C7: variants seen among roughly 807,000 people sequenced by gnomAD.
The protein encoded by C7 is complement component C7.
A neutral mutation model predicts 104.8 loss-of-function variants in C7; 83 were observed. The observed-to-expected ratio is 0.79, with a 90% CI of 0.66 to 0.95. The LOEUF (loss-of-function observed/expected upper bound fraction) is 0.95. Among genes scored for constraint, C7 ranks in the 40% least tolerant of loss-of-function variants. The pLI, the probability that C7 is intolerant of heterozygous loss-of-function variation, is 0.00. For synonymous variants in C7, 415 were observed against 360.6 expected (o/e 1.15, Z -1.71); for missense variants, 1,070 against 1,011.2 (o/e 1.06, Z -0.79).
At chr5:40,957,735 C>G (rs192441969) in intron 10 of C7, among the ~76,000 whole-genome samples, 1 of 150,116 alleles carries the variant, frequency 6.7e-6, no homozygotes, top group Non-Finnish European at 1.5e-5. Flanking sequence ...GCGTTACAGG[C>G]GTGAGTCATC....
intron 8 of C7, 142 bp downstream of exon 8, chr5:40,947,987 G>A (rs777889292): frequency 1.2e-5 from 11 of 892,356 alleles, no homozygotes; most frequent in South Asian, 1.1e-4. Flanking sequence ...TTGCAAGAAT[G>A]TATTATTGTC....
chr5:40,972,331 C>A, intron 14 of C7, 72 bp from the exon 15 acceptor site: 1 of 1,257,230 alleles, frequency 8.0e-7, no homozygotes, highest in Non-Finnish European at 1.1e-6. Context: ...GTGTCTGCAT[C>A]ACATAAGACT....
chr5:40,981,000 AGCAAG>A (rs1740929932), intron 17 of C7, among the ~76,000 whole-genome samples: 1 of 152,310 alleles, frequency 6.6e-6, no homozygotes, highest in South Asian at 2.1e-4. Context: ...TCTCTCTCAA[AGCAAG>A]TTAAGTTCTC....
chr5:40,978,140 GAAA>G (rs869311131), intron 16 of C7, among the ~76,000 whole-genome samples: 11 of 107,642 alleles, frequency 1.0e-4, no homozygotes, highest in African/African-American at 3.3e-4. Context: ...ATCTCAAAAA[GAAA>G]AAAAAAAAAA....
chr5:40,958,095 G>A lies in C7; in HGVS notation c.1323G>A (p.Leu441=). ...VPCASVKKLY[L]KWALEEYLDE... is the part of the protein sequence containing the mutation. Reference sequence around the variant, plus strand: ...GTGCCTCTGTGAAAAAACTATACCTGAAATGGGCTCTTGAAGAGTATCTGG... The same window carrying A: ...GTGCCTCTGTGAAAAAACTATACCTAAAATGGGCTCTTGAAGAGTATCTGG... Residue 441 remains leucine (L), a synonymous_variant, in exon 11 of 18, where the codon CTG becomes CTA. Coordinates refer to ENST00000313164, the MANE Select transcript of C7 (RefSeq NM_000587.4). The A allele has an allele frequency of 6.2e-7, 1 of 1,613,814 alleles. No homozygotes were observed. Among genetic ancestry groups the A allele is most frequent in the Middle Eastern group, 1.6e-4 (1 of 6,062 alleles).
rs1185187097 is a variant in C7, at chr5:40,981,585, C to T, written c.*12C>T. 33 of 1,594,940 alleles carry T rather than the reference C, an allele frequency of 2.1e-5. No individual in the cohort carries two copies. The highest frequency in any genetic ancestry group is 2.7e-5 in the Non-Finnish European group (31 of 1,167,034). On this transcript the variant is annotated 3_prime_UTR_variant, in exon 18 of 18. Coordinates refer to ENST00000313164, the MANE Select transcript of C7 (RefSeq NM_000587.4). ...CGGAAACCCAGTAGGCTCCTGGAGG[C>T]CCTGGTCAGCTTGCTTGGAATCCAG...
In C7 at chr5:40,967,679, C is replaced by T. The variant is rs191716668; in HGVS notation, c.1882+2806C>T. On this transcript the variant is annotated intron_variant, in intron 14 of 17. Coordinates refer to ENST00000313164, the MANE Select transcript of C7 (RefSeq NM_000587.4). ...ACCAAGCATTTCCGAACATAGTGAT[C>T]AGTTTTACCCTCTTGTCATCTTCTA... is the stretch of plus-strand genomic sequence containing the variant. The T allele has an allele frequency of 1.6e-4, 30 of 191,886 alleles. 1 individual carries two copies. In the East Asian group the frequency reaches 3.8e-3, roughly 24 times the overall value. The allele number at this position is 191,886 out of a possible 1,614,324, so 11.9% of individuals were successfully genotyped here. A position where few individuals can be genotyped will look rare whatever the true frequency, so the allele number is the denominator to read the frequency against.
intron 1 of C7, among the ~76,000 whole-genome samples, chr5:40,916,070 T>A (rs1254303504): frequency 6.6e-6 from 1 of 152,180 alleles, no homozygotes; most frequent in Non-Finnish European, 1.5e-5. Flanking sequence ...ATCTTCTCCA[T>A]CACCTTCAGC....
intron 1 of C7, among the ~76,000 whole-genome samples, chr5:40,912,970 G>A (rs1452718463): frequency 6.6e-6 from 1 of 151,946 alleles, no homozygotes; most frequent in Non-Finnish European, 1.5e-5. Flanking sequence ...CAACTCTTCT[G>A]AGTCTCCAAT....
At chr5:40,960,064 A>T (rs1501815) in intron 12 of C7, among the ~76,000 whole-genome samples, 30,114 of 152,204 alleles carry the variant, frequency 0.2, 3,630 homozygotes, top group South Asian at 0.37. Context: ...CAGATACACC[A>T]TTCTTACTCA....
chr5:40,950,268 C>A (rs1434195530), intron 9 of C7, among the ~76,000 whole-genome samples: 2 of 152,100 alleles, frequency 1.3e-5, no homozygotes, highest in South Asian at 2.1e-4. Flanking sequence ...ATATTCTCAT[C>A]ATTTAGCTCC....
Position 40,967,027 on chromosome 5 carries a change from C to T in C7, c.1882+2154C>T, listed in dbSNP as rs112319893. The stretch of plus-strand genomic sequence containing the variant: ...GGGCTTCTTTTCCTTTATTGTGAAC[C>T]GACTGATGAAATGTCTGTCTTTTAC... On this transcript the variant is annotated intron_variant, in intron 14 of 17. Coordinates refer to ENST00000313164, the MANE Select transcript of C7 (RefSeq NM_000587.4). Among the ~76,000 whole-genome samples the T allele has an allele frequency of 1.6e-3, 242 of 150,860 alleles. 1 individual carries two copies. The highest frequency in any genetic ancestry group is 5.3e-3 in the African/African-American group (219 of 41,118).
At chr5:40,912,436 T>C (rs1463779666) in intron 1 of C7, among the ~76,000 whole-genome samples, 1 of 152,140 alleles carries the variant, frequency 6.6e-6, no homozygotes, top group African/African-American at 2.4e-5. Flanking sequence ...TGGAGTGTAG[T>C]GGTACAATTA....
chr5:40,928,659 T>A, intron 2 of C7, 24 bp downstream of exon 2: 1 of 1,415,364 alleles, frequency 7.1e-7, no homozygotes, highest in Non-Finnish European at 9.7e-7. Context: ...GGGTTGTGTG[T>A]AAAAATCATT....
At chr5:40,963,970 T>A (rs1008067092) in intron 13 of C7, among the ~76,000 whole-genome samples, 1 of 150,376 alleles carries the variant, frequency 6.6e-6, no homozygotes, top group Non-Finnish European at 1.5e-5. Context: ...GTGTTCATAC[T>A]GACATTTTGT....
chr5:40,976,875 T>C, intron 16 of C7, 35 bp downstream of exon 16: 1 of 1,459,018 alleles, frequency 6.9e-7, no homozygotes, highest in Non-Finnish European at 9.4e-7. Flanking sequence ...TCTGTTTTAT[T>C]TTATTAATGA....
At position 40,982,025 on chromosome 5, in the gene C7, A is replaced by G. The variant is rs1740959412; in HGVS notation, c.*452A>G. 1 of 153,318 alleles carries G rather than the reference A, an allele frequency of 6.5e-6. No homozygotes were observed. The highest frequency in any genetic ancestry group is 6.5e-5 in the Admixed American group (1 of 15,340). 9.5% of individuals were successfully genotyped at this position (153,318 alleles called of 1,614,324 possible). On this transcript the variant is annotated 3_prime_UTR_variant, in exon 18 of 18. Transcript: ENST00000313164. ...TGATTAGAGAGGGTGGTTTTCCTCA[A>G]TGGAACCAAATATAAAGAGGACTTG...
intron 13 of C7, 188 bp from the exon 14 acceptor site, chr5:40,964,553 T>C: frequency 2.0e-6 from 1 of 508,650 alleles, no homozygotes. Flanking sequence ...AATAGTTTTA[T>C]TTCAATTAAT....
chr5:40,964,899 T>C, intron 14 of C7, 26 bp downstream of exon 14: 2 of 1,611,500 alleles, frequency 1.2e-6, no homozygotes, highest in East Asian at 2.2e-5. Context: ...TGTATATAAT[T>C]TAAGATGAGA....
Sources: allele counts gnomAD v4.1 joint callset (sites outside exome capture counted in the v4.1 genomes callset), GRCh38; gene constraint gnomAD v4.1.1; transcripts MANE v1.5; gene names NCBI Gene and HGNC (gene_info 2026-07-23, HGNC 2026-07-21).